NAALADL2: variants seen among roughly 807,000 people sequenced by gnomAD.
NAALADL2 encodes the protein N-acetylated alpha-linked acidic dipeptidase like 2, also known as inactive N-acetylated-alpha-linked acidic dipeptidase-like protein 2.
Under a neutral mutation model 87.2 loss-of-function variants are expected in NAALADL2, and 76 were observed. That is an observed-to-expected ratio of 0.87 (90% confidence interval 0.72 to 1.05). NAALADL2 has a LOEUF of 1.05. Ranked by LOEUF, NAALADL2 falls within the 50% of genes least tolerant of loss-of-function variation. The pLI is 0.00. For missense variants in NAALADL2, 1,089 were observed against 945.8 expected (o/e 1.15, Z -1.99); for synonymous variants, 354 against 331.0 (o/e 1.07, Z -0.75).
intron 2 of NAALADL2, among the ~76,000 whole-genome samples, chr3:175,227,533 T>A (rs1490261010): frequency 3.9e-5 from 6 of 152,024 alleles, no homozygotes; most frequent in African/African-American, 1.4e-4. Context: ...TTCTCTGAAA[T>A]TAGTAAACTT....
intron 2 of NAALADL2, among the ~76,000 whole-genome samples, chr3:174,606,033 C>T (rs1719014890): frequency 6.6e-6 from 1 of 152,180 alleles, no homozygotes; most frequent in African/African-American, 2.4e-5. Context: ...GTTCTGCAGC[C>T]ACCGCTGCTG....
chr3:174,813,101 A>G (rs1038015079), intron 3 of NAALADL2, among the ~76,000 whole-genome samples: 2 of 152,310 alleles, frequency 1.3e-5, no homozygotes, highest in South Asian at 2.1e-4. Context: ...CTGACTCACC[A>G]GAACAACTTC....
At chr3:175,459,647 G>A (rs926572326) in intron 6 of NAALADL2, among the ~76,000 whole-genome samples, 4 of 152,052 alleles carry the variant, frequency 2.6e-5, no homozygotes. Context: ...GTGAAAAAGG[G>A]TTCGATATTA....
chr3:175,523,111 G>C (rs191749671), intron 9 of NAALADL2, among the ~76,000 whole-genome samples: 49 of 152,206 alleles, frequency 3.2e-4, no homozygotes, highest in African/African-American at 1.1e-3. Context: ...TGGAATCAGC[G>C]GTTCTACCAA....
At chr3:175,305,673 C>T (rs1305699132) in intron 4 of NAALADL2, among the ~76,000 whole-genome samples, 1 of 152,106 alleles carries the variant, frequency 6.6e-6, no homozygotes, top group African/African-American at 2.4e-5. Flanking sequence ...CAGGCATGCA[C>T]CACCACGCCC....
At chr3:174,685,558 C>G (rs1727953652) in intron 2 of NAALADL2, among the ~76,000 whole-genome samples, 1 of 151,976 alleles carries the variant, frequency 6.6e-6, no homozygotes, top group South Asian at 2.1e-4. Context: ...GAATGAACAC[C>G]TAATCTGAGG....
At chr3:174,861,751 A>G (rs1436311202) in intron 1 of NAALADL2, among the ~76,000 whole-genome samples, 2 of 152,082 alleles carry the variant, frequency 1.3e-5, no homozygotes, top group Non-Finnish European at 2.9e-5. Flanking sequence ...AAGGCTAGCC[A>G]TAGATATTAT....
At chr3:174,567,542 G>A (rs1389582459) in intron 2 of NAALADL2, among the ~76,000 whole-genome samples, 1 of 151,400 alleles carries the variant, frequency 6.6e-6, no homozygotes, top group East Asian at 1.9e-4. Context: ...TAATTGTTTT[G>A]AGAATGTTAC....
chr3:174,904,879 T>C (rs1220830726), intron 1 of NAALADL2, among the ~76,000 whole-genome samples: 1 of 150,150 alleles, frequency 6.7e-6, no homozygotes, highest in Non-Finnish European at 1.5e-5. Context: ...GCATTTTTTT[T>C]CTGCATTATG....
At chr3:175,232,992 C>T (rs1456340502) in intron 2 of NAALADL2, among the ~76,000 whole-genome samples, 5 of 152,034 alleles carry the variant, frequency 3.3e-5, no homozygotes, top group Non-Finnish European at 7.4e-5. Flanking sequence ...ACAGATTTGT[C>T]TGGCTTCTAG....
chr3:174,792,062 CA>C (rs1235914501), intron 3 of NAALADL2, among the ~76,000 whole-genome samples: 1 of 151,928 alleles, frequency 6.6e-6, no homozygotes, highest in Non-Finnish European at 1.5e-5. Flanking sequence ...AAAAAACAAA[CA>C]AACAAACAAA....
chr3:175,119,992 A>G (rs1725916641), intron 2 of NAALADL2, among the ~76,000 whole-genome samples: 1 of 150,840 alleles, frequency 6.6e-6, no homozygotes, highest in Non-Finnish European at 1.5e-5. Flanking sequence ...AATGATTCTA[A>G]TTATTGTTTG....
At chr3:174,501,089 T>TATACTAAGATAGTAGTAGG (rs1560017562) in intron 1 of NAALADL2, among the ~76,000 whole-genome samples, 15 of 147,476 alleles carry the variant, frequency 1.0e-4, no homozygotes, top group African/African-American at 3.6e-4. Flanking sequence ...TTTTTTTTTT[T>TATACTAAGATAGTAGTAGG]TTTTTTTGAG....
intron 2 of NAALADL2, among the ~76,000 whole-genome samples, chr3:174,554,411 G>A (rs1462018170): frequency 2.0e-5 from 3 of 151,346 alleles, no homozygotes; most frequent in East Asian, 1.9e-4. Flanking sequence ...GTTGAACATC[G>A]ACACCCCTTT....
In NAALADL2 at chr3:175,529,857, T is replaced by C. The variant is rs543854262; in HGVS notation, c.1654-46184T>C. On this transcript the variant is annotated intron_variant, in intron 9 of 13. Transcript: ENST00000454872. ...GGCAAATATTATTCTGGATAGGATATCCAGAGTAAGTGTCTATTCCAGTGA... is the reference window on the plus strand; with the variant it reads ...GGCAAATATTATTCTGGATAGGATACCCAGAGTAAGTGTCTATTCCAGTGA... Among the ~76,000 whole-genome samples the C allele has an allele frequency of 3.5e-4, 53 of 152,272 alleles. 1 individual carries two copies. The highest frequency in any genetic ancestry group is 2.8e-3 in the Admixed American group (43 of 15,296).
At chr3:174,832,615 C>A (rs1271249156) in intron 3 of NAALADL2, among the ~76,000 whole-genome samples, 4 of 152,118 alleles carry the variant, frequency 2.6e-5, no homozygotes, top group Non-Finnish European at 5.9e-5. Context: ...GTGGCTGCCA[C>A]CACATCCGGC....
chr3:174,844,865 G>T (rs5004739), intron 3 of NAALADL2, among the ~76,000 whole-genome samples: 72,828 of 74,952 alleles, frequency 0.97, 35,383 homozygotes, highest in Middle Eastern at 0.99. Flanking sequence ...TTTTTTTTGG[G>T]GGAGTCTTTA....
intron 1 of NAALADL2, among the ~76,000 whole-genome samples, chr3:174,510,113 T>C (rs1719503424): frequency 6.6e-6 from 1 of 152,128 alleles, no homozygotes. Flanking sequence ...GTGTTTTATA[T>C]ATTGGGAAAT....
At chr3:175,108,203 C>T (rs971809421) in intron 2 of NAALADL2, among the ~76,000 whole-genome samples, 1 of 151,850 alleles carries the variant, frequency 6.6e-6, no homozygotes, top group African/African-American at 2.4e-5. Flanking sequence ...GTAACTTGTC[C>T]CCTGTGGAAC....
Sources: gnomAD v4.1 joint callset for allele counts (sites outside exome capture counted in the v4.1 genomes callset) on GRCh38, gnomAD v4.1.1 for gene constraint, MANE v1.5 for transcripts, NCBI Gene and HGNC (gene_info 2026-07-23, HGNC 2026-07-21) for gene names.